Variants in ACYP2 observed in about 807,000 individuals in gnomAD.
The protein encoded by ACYP2 is acylphosphatase-2.
In ACYP2, 12 loss-of-function variants were observed where a neutral mutation model predicts 11.2. The observed-to-expected ratio is 1.08, with a 90% confidence interval of 0.69 to 1.74. ACYP2 has a LOEUF of 1.74. Ranked by LOEUF, ACYP2 falls within the 40% of genes most tolerant of loss-of-function variation. ACYP2 has a pLI of 0.00. For missense variants in ACYP2, 134 were observed against 101.9 expected (o/e 1.31, Z -1.35); for synonymous variants, 43 against 32.2 (o/e 1.33, Z -1.13).
intron 2 of ACYP2, among the ~76,000 whole-genome samples, chr2:54,004,909 A>AAC (rs562901929): frequency 0.32 from 45,494 of 140,212 alleles, 8,328 homozygotes; most frequent in South Asian, 0.51. Flanking sequence ...AAAAAAAAAA[A>AAC]AAAAAACAAA....
intron 2 of ACYP2, among the ~76,000 whole-genome samples, chr2:54,046,047 A>G (rs1339296252): frequency 6.7e-6 from 1 of 149,556 alleles, no homozygotes; most frequent in Non-Finnish European, 1.5e-5. Flanking sequence ...GCACATGCCT[A>G]TAGTCCCAGC....
intron 6 of ACYP2, among the ~76,000 whole-genome samples, chr2:54,190,084 G>T (rs532448997): frequency 6.6e-6 from 1 of 152,220 alleles, no homozygotes; most frequent in African/African-American, 2.4e-5. Flanking sequence ...AGTTGTATGA[G>T]TTCTTTATAA....
Position 54,085,597 on chromosome 2 carries a change from T to C in ACYP2, c.277+28237T>C, listed in dbSNP as rs530591212. Among the ~76,000 whole-genome samples the C allele has an allele frequency of 4.3e-4, 66 of 152,312 alleles. No individual in the cohort carries two copies. In the South Asian group the frequency reaches 0.013, roughly 29 times the overall value. ...GCTGAAGAAACTTAACTCTAGTTTA[T>C]ATCAATTAGCCTGTGGTAAAATTGG... On this transcript the variant is annotated intron_variant, in intron 4 of 6. Coordinates refer to ENST00000607452, the MANE Select transcript of ACYP2 (RefSeq NM_001320586.2).
intron 6 of ACYP2, among the ~76,000 whole-genome samples, chr2:54,220,790 C>G (rs1332789274): frequency 6.6e-6 from 1 of 152,178 alleles, no homozygotes; most frequent in African/African-American, 2.4e-5. Context: ...TGCCTTGTGT[C>G]TTTAGACTCT....
At chr2:54,200,402 T>C (rs923469418) in intron 6 of ACYP2, among the ~76,000 whole-genome samples, 2 of 152,180 alleles carry the variant, frequency 1.3e-5, no homozygotes, top group East Asian at 3.9e-4. Context: ...TGGATACCCA[T>C]TGGCAGTCAC....
intron 6 of ACYP2, among the ~76,000 whole-genome samples, chr2:54,188,992 A>G (rs1684126713): frequency 1.3e-5 from 2 of 152,192 alleles, no homozygotes; most frequent in Non-Finnish European, 2.9e-5. Flanking sequence ...CTTCTCCTGG[A>G]TCATTCCCAT....
chr2:54,183,321 T>G (rs1324048552), intron 6 of ACYP2, among the ~76,000 whole-genome samples: 1 of 152,226 alleles, frequency 6.6e-6, no homozygotes, highest in African/African-American at 2.4e-5. Flanking sequence ...ATTTATTCTA[T>G]AAAATTTATT....
intron 2 of ACYP2, among the ~76,000 whole-genome samples, chr2:54,024,175 C>A (rs546863652): frequency 1.3e-5 from 2 of 152,194 alleles, no homozygotes; most frequent in South Asian, 4.1e-4. Context: ...GGAGTCCTAG[C>A]TAACATGGCA....
intron 6 of ACYP2, chr2:54,267,201 T>C: frequency 7.6e-7 from 1 of 1,323,194 alleles, no homozygotes; most frequent in Non-Finnish European, 1.0e-6. Context: ...AAAATGTTTT[T>C]TAGGGGCCTA....
intron 6 of ACYP2, among the ~76,000 whole-genome samples, chr2:54,239,970 A>C (rs1272338340): frequency 6.6e-6 from 1 of 152,224 alleles, no homozygotes; most frequent in East Asian, 1.9e-4. Context: ...TTTATAACAA[A>C]AATTTTACAT....
chr2:54,214,129 T>G (rs1185048841), intron 6 of ACYP2, among the ~76,000 whole-genome samples: 6 of 152,120 alleles, frequency 3.9e-5, no homozygotes, highest in Admixed American at 3.9e-4. Flanking sequence ...CCTTATAGAT[T>G]CTGGATATTC....
intron 6 of ACYP2, among the ~76,000 whole-genome samples, chr2:54,220,726 C>A (rs964803397): frequency 1.3e-5 from 2 of 152,082 alleles, no homozygotes; most frequent in African/African-American, 4.8e-5. Flanking sequence ...GTCTGAGTTA[C>A]CTCATTTAGT....
At chr2:54,274,033 C>T (rs919198811) in intron 6 of ACYP2, among the ~76,000 whole-genome samples, 2 of 152,250 alleles carry the variant, frequency 1.3e-5, no homozygotes, top group South Asian at 4.1e-4. Context: ...TTGTATTAGT[C>T]TGTTTTCACA....
Position 54,130,133 on chromosome 2 carries a change from A to G in ACYP2, c.278-5320A>G, listed in dbSNP as rs553946314. ...CTACTATAAAGATAGGAAATCAAAA[A>G]GTAAACAATGTATGTGCAAGAAACA... On this transcript the variant is annotated intron_variant, in intron 4 of 6. Coordinates refer to ENST00000607452, the MANE Select transcript of ACYP2 (RefSeq NM_001320586.2). 2.7e-3 allele frequency among the ~76,000 whole-genome samples: 407 copies of G among 152,306 alleles called. 5 individuals carry two copies. The highest frequency in any genetic ancestry group is 9.1e-3 in the African/African-American group (377 of 41,562).
intron 2 of ACYP2, among the ~76,000 whole-genome samples, chr2:53,980,878 G>A (rs866106667): frequency 1.4e-4 from 22 of 151,942 alleles, no homozygotes; most frequent in Middle Eastern, 3.4e-3. Flanking sequence ...TCAGCCTCCC[G>A]AGTAGCTGTG....
At chr2:54,142,009 GTGTA>G (rs1340599679) in intron 6 of ACYP2, 54 of 439,738 alleles carry the variant, frequency 1.2e-4, no homozygotes, top group East Asian at 5.9e-4. Flanking sequence ...GTGTGTGTGT[GTGTA>G]TATTTTGTTG....
At chr2:54,065,503 C>T (rs61740458) in intron 4 of ACYP2, 1 of 398,246 alleles carries the variant, frequency 2.5e-6, no homozygotes. Flanking sequence ...CTTGGCTATC[C>T]CTGATCAGGG....
chr2:54,211,210 G>C (rs1685317880), intron 6 of ACYP2, among the ~76,000 whole-genome samples: 1 of 152,092 alleles, frequency 6.6e-6, no homozygotes, highest in Admixed American at 6.6e-5. Flanking sequence ...TCAATAATTT[G>C]AAGACCTTTA....
chr2:54,213,242 T>C (rs762665639), intron 6 of ACYP2, among the ~76,000 whole-genome samples: 2 of 152,210 alleles, frequency 1.3e-5, no homozygotes, highest in African/African-American at 2.4e-5. Context: ...CCTCCAGTTC[T>C]ATCCATGTTG....
Sources: gnomAD v4.1 joint callset for allele counts (sites outside exome capture counted in the v4.1 genomes callset) on GRCh38, gnomAD v4.1.1 for gene constraint, MANE v1.5 for transcripts, NCBI Gene and HGNC (gene_info 2026-07-23, HGNC 2026-07-21) for gene names.